VPS8: variants seen among roughly 807,000 people sequenced by gnomAD.
VPS8 encodes the protein vacuolar protein sorting-associated protein 8 homolog.
Under a neutral mutation model 216.4 loss-of-function variants are expected in VPS8, and 129 were observed. The observed-to-expected ratio is 0.60, with a 90% CI of 0.52 to 0.69. The LOEUF is 0.69. VPS8 is among the 30% of genes least tolerant of loss of function. VPS8 has a pLI of 0.00. For synonymous variants in VPS8, 571 were observed against 565.4 expected (o/e 1.01, Z -0.14); for missense variants, 1,531 against 1,683.5 (o/e 0.91, Z 1.59).
In VPS8 at chr3:184,940,203, G is replaced by T; in HGVS notation, c.2995G>T (p.Val999Phe). Residue 999 changes from valine (V) to phenylalanine (F), a missense_variant, in exon 36 of 48, where the codon GTT (valine) becomes TTT (phenylalanine). Val to Phe is a conservative substitution (Grantham distance 50). Coordinates refer to ENST00000625842, the MANE Select transcript of VPS8 (RefSeq NM_001009921.3). Reference protein sequence around the residue: ...ETVIKKLQNQVLLFKFLRSLL... With the variant: ...ETVIKKLQNQFLLFKFLRSLL... ...TTATTGTTTTTCTGTTCAGAACCAG[G>T]TTTTGCTTTTCAAATTTTTGAGGAG... 1 of 1,496,814 alleles carries T rather than the reference G, an allele frequency of 6.7e-7. No individual in the cohort carries two copies. The highest frequency in any genetic ancestry group is 9.0e-7 in the Non-Finnish European group (1 of 1,116,436). 92.7% of individuals were successfully genotyped at this position (1,496,814 alleles called of 1,614,324 possible). A position where few individuals can be genotyped will look rare whatever the true frequency, so the allele number is the denominator to read the frequency against.
intron 8 of VPS8, among the ~76,000 whole-genome samples, chr3:184,847,996 T>G (rs994994047): frequency 6.6e-6 from 1 of 152,172 alleles, no homozygotes; most frequent in African/African-American, 2.4e-5. Flanking sequence ...CACTGCAACC[T>G]TTGCCTTCTG....
chr3:184,962,004 C>A (rs1330795789), intron 37 of VPS8, among the ~76,000 whole-genome samples: 1 of 152,192 alleles, frequency 6.6e-6, no homozygotes, highest in Non-Finnish European at 1.5e-5. Context: ...TCAAGAGATC[C>A]GCCCACCTTG....
intron 1 of VPS8, among the ~76,000 whole-genome samples, chr3:184,814,354 TC>T (rs1241328913): frequency 2.0e-5 from 3 of 152,204 alleles, no homozygotes; most frequent in Non-Finnish European, 4.4e-5. Flanking sequence ...GCCTCATTCT[TC>T]CTGTTACAGT....
At chr3:184,865,366 A>G (rs532264942) in intron 16 of VPS8, among the ~76,000 whole-genome samples, 1 of 152,346 alleles carries the variant, frequency 6.6e-6, no homozygotes, top group Non-Finnish European at 1.5e-5. Context: ...AAAATTTTAA[A>G]GCAACCAGTG....
Position 184,940,263 on chromosome 3 carries a change from T to C in VPS8, c.3035+20T>C, listed in dbSNP as rs201035902. 166 of 1,100,148 alleles carry C rather than the reference T, an allele frequency of 1.5e-4. 1 individual carries two copies. The East Asian group carries it at 3.7e-3, about 24-fold the overall frequency. The allele number at this position is 1,100,148 out of a possible 1,614,324, so 68.1% of individuals were successfully genotyped here. A position where few individuals can be genotyped will look rare whatever the true frequency, so the allele number is the denominator to read the frequency against. The stretch of plus-strand genomic sequence containing the variant: ...CCCAAGGTATGTTGACAAACTTTAG[T>C]CTTTCATTATATATATATATATATA... On this transcript the variant is annotated intron_variant, in intron 36 of 47. Coordinates refer to ENST00000625842, the MANE Select transcript of VPS8 (RefSeq NM_001009921.3).
chr3:185,043,639 T>C (rs1182570513), intron 46 of VPS8, among the ~76,000 whole-genome samples: 1 of 152,244 alleles, frequency 6.6e-6, no homozygotes, highest in Non-Finnish European at 1.5e-5. Context: ...CACTGGGCTT[T>C]GGTCTAGGCT....
chr3:184,957,717 A>G (rs553804838), intron 37 of VPS8, among the ~76,000 whole-genome samples, 196 bp downstream of exon 37: 1 of 152,370 alleles, frequency 6.6e-6, no homozygotes, highest in Non-Finnish European at 1.5e-5. Flanking sequence ...TGCTATACCC[A>G]TCATGTAGGA....
intron 16 of VPS8, among the ~76,000 whole-genome samples, chr3:184,864,209 A>G (rs1726917970): frequency 6.6e-6 from 1 of 152,160 alleles, no homozygotes; most frequent in Non-Finnish European, 1.5e-5. Context: ...GACACTGGAC[A>G]TCTGTAGTGA....
Position 184,853,963 on chromosome 3 carries a change from C to G in VPS8, c.928C>G (p.His310Asp), listed in dbSNP as rs756182940. 1.2e-5 allele frequency: 20 copies of G among 1,613,532 alleles called. No homozygotes were observed. The highest frequency in any genetic ancestry group is 1.7e-5 in the Non-Finnish European group (20 of 1,179,740). The change falls in exon 12 of 48, where the codon CAT (histidine) becomes GAT (aspartate). Residue 310 changes from histidine to aspartate, a missense_variant. By Grantham distance (81) the His-to-Asp change is moderately conservative. This residue lies in a region of VPS8 where 1,318 missense variants were observed against 1,468.4 expected (regional missense o/e 0.90). Transcript: ENST00000625842. ...PLHSKPELKD[H>D]PITQFSLLAM... ...GCATTCTAAGCCTGAGTTGAAAGAT[C>G]ATCCCATCACACAGTTTTCATTATT...
At chr3:185,039,957 C>T (rs910008009) in intron 46 of VPS8, among the ~76,000 whole-genome samples, 1 of 152,094 alleles carries the variant, frequency 6.6e-6, no homozygotes, top group Non-Finnish European at 1.5e-5. Context: ...TCAAGAATTT[C>T]TGTTAGTCGT....
intron 46 of VPS8, among the ~76,000 whole-genome samples, chr3:185,038,616 T>C (rs1759219895): frequency 6.6e-6 from 1 of 152,212 alleles, no homozygotes; most frequent in African/African-American, 2.4e-5. Context: ...CTATATTCAG[T>C]TGCAAGTGAA....
intron 1 of VPS8, among the ~76,000 whole-genome samples, chr3:184,820,738 T>C (rs1338250673): frequency 6.6e-6 from 1 of 152,176 alleles, no homozygotes; most frequent in East Asian, 1.9e-4. Context: ...TGCTGGTAAG[T>C]GACAAAAGAG....
intron 5 of VPS8, among the ~76,000 whole-genome samples, chr3:184,835,852 G>A (rs1488939768): frequency 6.6e-6 from 1 of 151,912 alleles, no homozygotes; most frequent in African/African-American, 2.4e-5. Flanking sequence ...TGGGACTACA[G>A]GCGCCTGCCA....
At chr3:185,023,937 A>G (rs1268474177) in intron 45 of VPS8, among the ~76,000 whole-genome samples, 1 of 152,068 alleles carries the variant, frequency 6.6e-6, no homozygotes, top group Non-Finnish European at 1.5e-5. Context: ...CAATTATCAA[A>G]CTCTTCTGTG....
At position 184,920,153 on chromosome 3, in the gene VPS8, G is replaced by A. The variant is rs769753467; in HGVS notation, c.2409G>A (p.Lys803=). 7 of 1,522,824 alleles carry A rather than the reference G, an allele frequency of 4.6e-6. No individual in the cohort carries two copies. The highest frequency in any genetic ancestry group is 6.2e-6 in the Non-Finnish European group (7 of 1,136,806). 94.3% of individuals were successfully genotyped at this position (1,522,824 alleles called of 1,614,324 possible). Residue 803 remains lysine, a synonymous_variant, in exon 29 of 48, where the codon AAG becomes AAA. Transcript: ENST00000625842. ...ALTFEDFKND[K]QAVEYQQRIV... is the part of the protein sequence containing the mutation. ...CTTTTGAAGATTTTAAAAATGACAA[G>A]CAAGCTGTGGAATATCAACAGCGAA...
chr3:184,954,498 C>T (rs996574140), intron 36 of VPS8, among the ~76,000 whole-genome samples: 1 of 152,152 alleles, frequency 6.6e-6, no homozygotes, highest in African/African-American at 2.4e-5. Flanking sequence ...AGCCCTCAGT[C>T]ATCTCACTAG....
chr3:184,909,529 T>G (rs1459241078), intron 25 of VPS8, among the ~76,000 whole-genome samples: 1 of 152,208 alleles, frequency 6.6e-6, no homozygotes, highest in Non-Finnish European at 1.5e-5. Flanking sequence ...CTCCTTCATG[T>G]CAATTCAACT....
intron 28 of VPS8, 125 bp downstream of exon 28, chr3:184,915,599 A>T: frequency 2.0e-6 from 2 of 1,001,094 alleles, no homozygotes; most frequent in Non-Finnish European, 2.8e-6. Context: ...ATCTGAGGTC[A>T]GGAGTTCCAG....
intron 46 of VPS8, among the ~76,000 whole-genome samples, 171 bp from the exon 47 acceptor site, chr3:185,048,308 C>T (rs1476526983): frequency 6.6e-6 from 1 of 152,176 alleles, no homozygotes. Flanking sequence ...TCTTAGGGGA[C>T]GTGCCGATTT....
Sources: allele counts gnomAD v4.1 joint callset (sites outside exome capture counted in the v4.1 genomes callset), GRCh38; gene constraint gnomAD v4.1.1; regional missense constraint gnomAD v4.1.1; transcripts MANE v1.5; gene names NCBI Gene and HGNC (gene_info 2026-07-23, HGNC 2026-07-21).